Variants in BCAS3 observed in about 807,000 individuals in gnomAD.
BCAS3 encodes BCAS3 microtubule associated cell migration factor, also known as BCAS4/BCAS3 fusion.
Under a neutral mutation model 116.1 loss-of-function variants are expected in BCAS3, and 53 were observed. The observed-to-expected ratio is 0.46, with a 90% CI of 0.37 to 0.57. The LOEUF (loss-of-function observed/expected upper bound fraction) is 0.57. Ranked by LOEUF, BCAS3 falls within the 20% of genes least tolerant of loss-of-function variation. BCAS3 has a pLI of 0.00. For synonymous variants in BCAS3, 391 were observed against 408.2 expected, an observed-to-expected ratio of 0.96 and a Z score of 0.51; for missense variants, 917 against 1,165.4, an observed-to-expected ratio of 0.79 and a Z score of 3.10.
intron 5 of BCAS3, among the ~76,000 whole-genome samples, chr17:60,728,641 A>G (rs1489085532): frequency 6.6e-6 from 1 of 151,750 alleles, no homozygotes; most frequent in Non-Finnish European, 1.5e-5. Context: ...CGCCATGCCC[A>G]GCTAATTTTT....
At position 61,136,474 on chromosome 17, in the gene BCAS3, C is replaced by G. The variant is rs2076645719; in HGVS notation, c.2425+51910C>G. Among the ~76,000 whole-genome samples, 1 of 152,198 alleles carries G rather than the reference C, an allele frequency of 6.6e-6. No individual in the cohort carries two copies. The highest frequency in any genetic ancestry group is 1.5e-5 in the Non-Finnish European group (1 of 68,036). ...TCATATAGGATGTTTAGCAGAACCC[C>G]TGGCCTCTACCCGTTAGATAGCAGC... On this transcript the variant is annotated intron_variant, in intron 22 of 23. Transcript: ENST00000407086. This position sits in a 1 kb window ranked among gnomAD's most constrained non-coding sequence, Gnocchi z 4.4.
At position 61,180,323 on chromosome 17, in the gene BCAS3, C is replaced by T. The variant is rs1196921451; in HGVS notation, c.2425+95759C>T. Among the ~76,000 whole-genome samples, 1 of 151,912 alleles carries T rather than the reference C, an allele frequency of 6.6e-6. No individual in the cohort carries two copies. The highest frequency in any genetic ancestry group is 2.4e-5 in the African/African-American group (1 of 41,330). On this transcript the variant is annotated intron_variant, in intron 22 of 23. Coordinates refer to ENST00000407086, the MANE Select transcript of BCAS3 (RefSeq NM_017679.5). This position sits in a 1 kb window ranked among gnomAD's most constrained non-coding sequence, Gnocchi z 6.0. ...CTTAAAAAAATCTTGGAAGATAAAC[C>T]AAGACAGGAAAATGATTATGGCCAC...
At chr17:61,067,256 T>C (rs1472602075) in intron 19 of BCAS3, among the ~76,000 whole-genome samples, 2 of 130,880 alleles carry the variant, frequency 1.5e-5, no homozygotes, top group African/African-American at 6.1e-5. Context: ...TTCATAACTT[T>C]ATTTATGTGT....
At position 61,307,222 on chromosome 17, in the gene BCAS3, C is replaced by T. The variant is rs1454939709; in HGVS notation, c.2426-61105C>T. ...ACATTGGTTTCCAGCCCTGTGGCCC[C>T]AGAATACCCCACAGTTACACCTCAG... On this transcript the variant is annotated intron_variant, in intron 22 of 23. Coordinates refer to ENST00000407086, the MANE Select transcript of BCAS3 (RefSeq NM_017679.5). This position sits in a 1 kb window ranked among gnomAD's most constrained non-coding sequence, Gnocchi z 4.7. 6.6e-6 allele frequency among the ~76,000 whole-genome samples: 1 copy of T among 152,238 alleles called. No individual in the cohort carries two copies. The highest frequency in any genetic ancestry group is 1.5e-5 in the Non-Finnish European group (1 of 68,044).
At chr17:60,755,076 G>T (rs996707675) in intron 6 of BCAS3, among the ~76,000 whole-genome samples, 1 of 152,142 alleles carries the variant, frequency 6.6e-6, no homozygotes, top group Non-Finnish European at 1.5e-5. Flanking sequence ...TTTCTTTAAT[G>T]ATTTGGGTCA....
intron 22 of BCAS3, among the ~76,000 whole-genome samples, chr17:61,253,781 T>C (rs556059175): frequency 1.1e-3 from 167 of 152,192 alleles, no homozygotes; most frequent in Non-Finnish European, 1.9e-3. Context: ...CTTTCCATTT[T>C]TGTTGTATAG....
At chr17:60,689,982 G>T (rs1194798615) in intron 4 of BCAS3, among the ~76,000 whole-genome samples, 1 of 152,160 alleles carries the variant, frequency 6.6e-6, no homozygotes, top group Non-Finnish European at 1.5e-5. Flanking sequence ...GTTAAACTTT[G>T]ATGAAGTTAA....
chr17:61,166,982 A>G (rs1215483502), intron 22 of BCAS3, among the ~76,000 whole-genome samples: 1 of 152,186 alleles, frequency 6.6e-6, no homozygotes, highest in Admixed American at 6.5e-5. Flanking sequence ...CCTGGGCTCA[A>G]GCGATCCTCC....
At chr17:60,840,133 A>G (rs1292438989) in intron 7 of BCAS3, among the ~76,000 whole-genome samples, 3 of 152,166 alleles carry the variant, frequency 2.0e-5, no homozygotes, top group Non-Finnish European at 2.9e-5. Flanking sequence ...GAAAAAACAT[A>G]CTGTTACAAA....
At chr17:60,938,684 C>T (rs1332379427) in intron 13 of BCAS3, among the ~76,000 whole-genome samples, 1 of 151,080 alleles carries the variant, frequency 6.6e-6, no homozygotes, top group Non-Finnish European at 1.5e-5. Flanking sequence ...AAAGCCATGC[C>T]ACAGACTGGG....
chr17:60,716,989 A>C (rs1278685458), intron 5 of BCAS3, among the ~76,000 whole-genome samples: 1 of 152,160 alleles, frequency 6.6e-6, no homozygotes, highest in African/African-American at 2.4e-5. Context: ...GGTGGGGAAG[A>C]TAGATAATAA....
chr17:60,976,585 C>T (rs970010250), intron 14 of BCAS3, among the ~76,000 whole-genome samples: 1 of 151,958 alleles, frequency 6.6e-6, no homozygotes, highest in African/African-American at 2.4e-5. Context: ...AGGGCCCTGC[C>T]GCCTTCCACA....
rs1331071290 is a variant in BCAS3, at chr17:61,343,854, C to T, written c.2426-24473C>T. Among the ~76,000 whole-genome samples the T allele has an allele frequency of 1.3e-5, 2 of 152,228 alleles. No individual in the cohort carries two copies. Among genetic ancestry groups the T allele is most frequent in the Non-Finnish European group, 2.9e-5 (2 of 68,046 alleles). ...GCGTTCTTTGCTCAGTTCTGCTCTG[C>T]AGCCCCCATGGCGACACCCTCTCTC... On this transcript the variant is annotated intron_variant, in intron 22 of 23. Transcript: ENST00000407086. The surrounding 1 kb of genome is among the most constrained non-coding windows in gnomAD (Gnocchi z 5.5).
At chr17:60,941,247 C>T (rs1290660296) in intron 13 of BCAS3, among the ~76,000 whole-genome samples, 1 of 152,178 alleles carries the variant, frequency 6.6e-6, no homozygotes, top group African/African-American at 2.4e-5. Flanking sequence ...CTTGTATTCC[C>T]AGATGACGCA....
In BCAS3 at chr17:61,136,245, T is replaced by C. The variant is rs1322487022; in HGVS notation, c.2425+51681T>C. Among the ~76,000 whole-genome samples, 2 of 151,682 alleles carry C rather than the reference T, an allele frequency of 1.3e-5. No homozygotes were observed. Among genetic ancestry groups the C allele is most frequent in the African/African-American group, 4.9e-5 (2 of 40,930 alleles). ...AGCTCCTATCTTCCAATATTTTTACTTAAGCATCCCCTCTTCTTCTCTGCA... is the reference window on the plus strand; with the variant it reads ...AGCTCCTATCTTCCAATATTTTTACCTAAGCATCCCCTCTTCTTCTCTGCA... On this transcript the variant is annotated intron_variant, in intron 22 of 23. Transcript: ENST00000407086. This position sits in a 1 kb window ranked among gnomAD's most constrained non-coding sequence, Gnocchi z 4.4.
At position 61,381,110 on chromosome 17, in the gene BCAS3, C is replaced by G. The variant is rs961375704; in HGVS notation, c.2594-10867C>G. Among the ~76,000 whole-genome samples, 1 of 152,246 alleles carries G rather than the reference C, an allele frequency of 6.6e-6. No homozygotes were observed. The highest frequency in any genetic ancestry group is 2.1e-4 in the South Asian group (1 of 4,834). Reference sequence around the variant, plus strand: ...ATTACTGATCACATTACTTTCAACTCTGAAGCCAGCCTTGTGATAAACATT... The same window carrying G: ...ATTACTGATCACATTACTTTCAACTGTGAAGCCAGCCTTGTGATAAACATT... On this transcript the variant is annotated intron_variant, in intron 23 of 23. Coordinates refer to ENST00000407086, the MANE Select transcript of BCAS3 (RefSeq NM_017679.5). The surrounding 1 kb of genome is among the most constrained non-coding windows in gnomAD (Gnocchi z 6.0).
rs2080619376 is a variant in BCAS3 at position 61,198,339 on chromosome 17, A to G, written c.2425+113775A>G. Among the ~76,000 whole-genome samples, 1 of 151,960 alleles carries G rather than the reference A, an allele frequency of 6.6e-6. No individual in the cohort carries two copies. The highest frequency in any genetic ancestry group is 2.1e-4 in the South Asian group (1 of 4,808). ...GCATTTTTAGTAGAGATGGGGTTTCACCGTGTTAGCCAGGATGTTCTCGAT... is the reference window on the plus strand; with the variant it reads ...GCATTTTTAGTAGAGATGGGGTTTCGCCGTGTTAGCCAGGATGTTCTCGAT... On this transcript the variant is annotated intron_variant, in intron 22 of 23. Transcript: ENST00000407086. This position sits in a 1 kb window ranked among gnomAD's most constrained non-coding sequence, Gnocchi z 5.0.
chr17:61,042,891 C>CCAA lies in BCAS3; in HGVS notation c.2029+1999_2029+2000insCAA, dbSNP rs1555682922. Among the ~76,000 whole-genome samples, 31 of 58,284 alleles carry CCAA rather than the reference C, an allele frequency of 5.3e-4. 1 individual carries two copies. The highest frequency in any genetic ancestry group is 1.4e-3 in the African/African-American group (25 of 18,106). 38.2% of individuals were successfully genotyped at this position (58,284 alleles called of 152,430 possible). ...GGCAACAGAGCAAGACTCCATCTCA[C>CCAA]AAAAAAAAAAAAAAAAAAAAAAAAG... On this transcript the variant is annotated intron_variant, in intron 19 of 23. Coordinates refer to ENST00000407086, the MANE Select transcript of BCAS3 (RefSeq NM_017679.5).
chr17:61,118,971 CA>C lies in BCAS3; in HGVS notation c.2425+34409del, dbSNP rs2075641089. ...AAACGTTGACAGTTTCTGTGTTTGT[CA>C]ATTACTTTAATATTCTATATATTTT... On this transcript the variant is annotated intron_variant, in intron 22 of 23. Coordinates refer to ENST00000407086, the MANE Select transcript of BCAS3 (RefSeq NM_017679.5). The surrounding 1 kb of genome is among the most constrained non-coding windows in gnomAD (Gnocchi z 5.0). Among the ~76,000 whole-genome samples the C allele has an allele frequency of 6.6e-6, 1 of 151,736 alleles. No individual in the cohort carries two copies. The highest frequency in any genetic ancestry group is 2.1e-4 in the South Asian group (1 of 4,808).
Sources: allele counts gnomAD v4.1 joint callset (sites outside exome capture counted in the v4.1 genomes callset), GRCh38; gene constraint gnomAD v4.1.1; non-coding constraint Gnocchi (gnomAD v3.1); transcripts MANE v1.5; gene names NCBI Gene and HGNC (gene_info 2026-07-23, HGNC 2026-07-21).